PRKCZ: variants seen among roughly 807,000 people sequenced by gnomAD.
The protein encoded by PRKCZ is protein kinase C zeta type.
PRKCZ carries 33 observed loss-of-function variants against 79.5 expected under a neutral mutation model. The ratio of observed to expected loss-of-function variants is 0.41; its 90% confidence interval spans 0.31 to 0.55. PRKCZ has a LOEUF of 0.55. Among genes scored for constraint, PRKCZ ranks in the 20% least tolerant of loss-of-function variants. The pLI, the probability that PRKCZ is intolerant of heterozygous loss-of-function variation, is 0.19. For missense variants in PRKCZ, 578 were observed against 813.5 expected (o/e 0.71, Z 3.52); for synonymous variants, 342 against 320.9 (o/e 1.07, Z -0.70).
chr1:2,163,543 G>A (rs1682726100), intron 10 of PRKCZ, among the ~76,000 whole-genome samples: 1 of 152,230 alleles, frequency 6.6e-6, no homozygotes, highest in Admixed American at 6.5e-5. Flanking sequence ...TGCATGCAGA[G>A]GTGTGACTTG....
intron 4 of PRKCZ, among the ~76,000 whole-genome samples, chr1:2,088,861 C>T (rs6693908): frequency 0.42 from 64,391 of 152,144 alleles, 15,474 homozygotes; most frequent in East Asian, 0.96. Flanking sequence ...CTACAGAAAA[C>T]TTGACCCATA....
chr1:2,184,651 T>C lies in PRKCZ; in HGVS notation c.1644T>C (p.Phe548=), dbSNP rs1687283592. 2 of 1,613,952 alleles carry C rather than the reference T, an allele frequency of 1.2e-6. No homozygotes were observed. The highest frequency in any genetic ancestry group is 1.7e-5 in the Admixed American group (1 of 60,000). ...CAGACGACTACGGTCTGGACAACTT[T>C]GACACACAGTTCACCAGCGAGCCCG... ...QITDDYGLDN[F]DTQFTSEPVQ... is the part of the protein sequence containing the mutation. The change falls in exon 17 of 18, where the codon TTT becomes TTC. Residue 548 remains phenylalanine, a synonymous_variant. Coordinates refer to ENST00000378567, the MANE Select transcript of PRKCZ (RefSeq NM_002744.6).
At chr1:2,135,076 A>G (rs1037913041) in intron 4 of PRKCZ, 186 bp from the exon 5 acceptor site, 2 of 532,934 alleles carry the variant, frequency 3.8e-6, no homozygotes, top group African/African-American at 3.9e-5. Context: ...CCGTGACACC[A>G]TGAGGATCAT....
Position 2,174,935 on chromosome 1 carries a change from T to A in PRKCZ, c.1485+102T>A. 8.2e-7 allele frequency: 1 copy of A among 1,221,886 alleles called. No individual in the cohort carries two copies. The highest frequency in any genetic ancestry group is 1.2e-6 in the Non-Finnish European group (1 of 841,316). 75.7% of individuals were successfully genotyped at this position (1,221,886 alleles called of 1,614,324 possible). On this transcript the variant is annotated intron_variant, in intron 15 of 17. Coordinates refer to ENST00000378567, the MANE Select transcript of PRKCZ (RefSeq NM_002744.6). This position sits in a 1 kb window ranked among gnomAD's most constrained non-coding sequence, Gnocchi z 6.2. ...GGCCATTTTTTCATGTCGGCTGCTG[T>A]GTATCGGGTGTGTGGGTTGATTTTC...
chr1:2,153,224 T>C (rs1680255583), intron 9 of PRKCZ, among the ~76,000 whole-genome samples: 1 of 152,272 alleles, frequency 6.6e-6, no homozygotes, highest in East Asian at 1.9e-4. Flanking sequence ...GTGTTCAGCA[T>C]CTTTCATGCA....
chr1:2,131,637 TCG>T (rs1159762959), intron 4 of PRKCZ, among the ~76,000 whole-genome samples: 1 of 152,098 alleles, frequency 6.6e-6, no homozygotes, highest in African/African-American at 2.4e-5. Context: ...AGCGTGGTAA[TCG>T]ATGGACACTG....
Position 2,175,246 on chromosome 1 carries a change from G to C in PRKCZ, c.1508G>C (p.Cys503Ser). ...LNKDPKERLG[C>S]RPQTGFSDIK... is the part of the protein sequence containing the mutation. ...CAGGACCCCAAAGAGAGGCTCGGCT[G>C]CCGGCCACAGACTGGATTTTCTGAC... Residue 503 changes from cysteine to serine, a missense_variant, in exon 16 of 18, where the codon TGC becomes TCC. Physicochemically the swap from Cys to Ser is moderately radical, Grantham distance 112. Around this residue, in one of 4 missense-constraint regions of PRKCZ, gnomAD observed 243 missense variants for 467.0 expected, o/e 0.52. Coordinates refer to ENST00000378567, the MANE Select transcript of PRKCZ (RefSeq NM_002744.6). 17 of 1,613,736 alleles carry C rather than the reference G, an allele frequency of 1.1e-5. No homozygotes were observed. The highest frequency in any genetic ancestry group is 1.4e-5 in the Non-Finnish European group (17 of 1,179,900).
intron 4 of PRKCZ, among the ~76,000 whole-genome samples, chr1:2,101,019 T>TAAA (rs3067304): frequency 7.5e-6 from 1 of 133,506 alleles, no homozygotes; most frequent in Admixed American, 7.6e-5. Context: ...TTTATTTTGT[T>TAAA]AAAAAAAAAA....
chr1:2,107,690 C>G (rs897404914), intron 4 of PRKCZ, among the ~76,000 whole-genome samples: 2 of 152,134 alleles, frequency 1.3e-5, no homozygotes, highest in African/African-American at 2.4e-5. Context: ...TCAGGACTGC[C>G]GAAATCCCCT....
chr1:2,058,840 G>A (rs1447314688), intron 3 of PRKCZ, among the ~76,000 whole-genome samples: 1 of 152,208 alleles, frequency 6.6e-6, no homozygotes, highest in Admixed American at 6.5e-5. Context: ...AGGTTGCAGT[G>A]AGCTGAGATT....
intron 4 of PRKCZ, among the ~76,000 whole-genome samples, chr1:2,063,816 G>A (rs1177855205): frequency 1.3e-5 from 2 of 150,720 alleles, no homozygotes; most frequent in African/African-American, 2.4e-5. Flanking sequence ...GTGATGTTGA[G>A]CATTTTTTCA....
intron 16 of PRKCZ, chr1:2,181,904 G>A (rs749825937): frequency 6.6e-6 from 3 of 456,154 alleles, no homozygotes; most frequent in South Asian, 3.1e-5. Flanking sequence ...CCTGCTGTGC[G>A]CACACCACAG....
At chr1:2,175,120 A>T in intron 15 of PRKCZ, 104 bp from the exon 16 acceptor site, 1 of 986,068 alleles carries the variant, frequency 1.0e-6, no homozygotes, top group Non-Finnish European at 1.6e-6. Context: ...GGGTCAGAGC[A>T]TCGGGGGAGG....
Position 2,172,828 on chromosome 1 carries a change from C to T in PRKCZ, c.1285+440C>T, listed in dbSNP as rs1421740073. On this transcript the variant is annotated intron_variant, in intron 13 of 17. Coordinates refer to ENST00000378567, the MANE Select transcript of PRKCZ (RefSeq NM_002744.6). This position sits in a 1 kb window ranked among gnomAD's most constrained non-coding sequence, Gnocchi z 7.8. ...CACCAGAGTGTTTCTGCTCCTCTCC[C>T]CTCTCTGGGCGTGAAACGGGGACAT... Among the ~76,000 whole-genome samples, 1 of 152,226 alleles carries T rather than the reference C, an allele frequency of 6.6e-6. No homozygotes were observed. The highest frequency in any genetic ancestry group is 2.4e-5 in the African/African-American group (1 of 41,456).
chr1:2,133,482 C>T (rs1237929800), intron 4 of PRKCZ, among the ~76,000 whole-genome samples: 3 of 149,014 alleles, frequency 2.0e-5, no homozygotes, highest in Non-Finnish European at 4.5e-5. Context: ...TGCGCCCGCC[C>T]CTTGGTTCCA....
At chr1:2,056,704 A>C in intron 3 of PRKCZ, 131 bp downstream of exon 3, 1 of 718,254 alleles carries the variant, frequency 1.4e-6, no homozygotes, top group Non-Finnish European at 2.1e-6. Flanking sequence ...GTCTAATATA[A>C]TGCCATTTGG....
intron 4 of PRKCZ, among the ~76,000 whole-genome samples, chr1:2,093,604 C>T (rs3107129): frequency 0.45 from 68,515 of 151,964 alleles, 16,776 homozygotes; most frequent in East Asian, 0.75. Context: ...GGCTGGTGCC[C>T]TCCTCAAAGG....
Position 2,154,226 on chromosome 1 carries a change from C to T in PRKCZ, c.877-1769C>T, listed in dbSNP as rs1680482117. ...AGGAGATGCGGGCTGGCGAGGAGCTCGGCTTGTGGCCTGGGGTGGCGTGAG... is the reference window on the plus strand; with the variant it reads ...AGGAGATGCGGGCTGGCGAGGAGCTTGGCTTGTGGCCTGGGGTGGCGTGAG... On this transcript the variant is annotated intron_variant, in intron 9 of 17. Transcript: ENST00000378567. 2.0e-5 allele frequency among the ~76,000 whole-genome samples: 3 copies of T among 152,076 alleles called. 1 individual carries two copies. Among genetic ancestry groups the T allele is most frequent in the South Asian group, 4.1e-4 (2 of 4,824 alleles).
At chr1:2,096,883 A>C (rs1479259019) in intron 4 of PRKCZ, among the ~76,000 whole-genome samples, 1 of 152,194 alleles carries the variant, frequency 6.6e-6, no homozygotes, top group African/African-American at 2.4e-5. Context: ...ACTCAGGACG[A>C]GGCCCCTTGA....
Sources: gnomAD v4.1 joint callset for allele counts (sites outside exome capture counted in the v4.1 genomes callset) on GRCh38, gnomAD v4.1.1 for gene constraint, gnomAD v4.1.1 regional missense constraint, Gnocchi (gnomAD v3.1) non-coding constraint, MANE v1.5 for transcripts, NCBI Gene and HGNC (gene_info 2026-07-23, HGNC 2026-07-21) for gene names.